PPFIA2: variants seen among roughly 807,000 people sequenced by gnomAD.
PPFIA2 encodes liprin-alpha-2.
PPFIA2 carries 46 observed loss-of-function variants against 175.5 expected under a neutral mutation model. The observed-to-expected ratio is 0.26, with a 90% CI of 0.21 to 0.34. The LOEUF (loss-of-function observed/expected upper bound fraction) is 0.34. Ranked by LOEUF, PPFIA2 falls within the 10% of genes least tolerant of loss-of-function variation. The pLI is 1.00. For missense variants in PPFIA2, 1,179 were observed against 1,506.1 expected, an observed-to-expected ratio of 0.78 and a Z score of 3.60; for synonymous variants, 568 against 511.4, an observed-to-expected ratio of 1.11 and a Z score of -1.49.
intron 4 of PPFIA2, among the ~76,000 whole-genome samples, chr12:81,670,282 T>C (rs769818020): frequency 4.6e-5 from 7 of 151,932 alleles, no homozygotes; most frequent in Non-Finnish European, 5.9e-5. Context: ...GTAGAACTTA[T>C]GCTGTGAAAT....
intron 4 of PPFIA2, among the ~76,000 whole-genome samples, chr12:81,596,924 GTAAT>G (rs2059308965): frequency 6.6e-6 from 1 of 151,982 alleles, no homozygotes; most frequent in Non-Finnish European, 1.5e-5. Context: ...GAGAGAAAGA[GTAAT>G]TATATCTACT....
chr12:81,581,339 A>G (rs930425118), intron 4 of PPFIA2, among the ~76,000 whole-genome samples: 1 of 151,702 alleles, frequency 6.6e-6, no homozygotes, highest in African/African-American at 2.4e-5. Context: ...CTCTGCCTTG[A>G]GTAGAGGGCT....
chr12:81,511,685 C>T (rs2061817168), intron 4 of PPFIA2, among the ~76,000 whole-genome samples: 1 of 151,984 alleles, frequency 6.6e-6, no homozygotes, highest in South Asian at 2.1e-4. Context: ...GGAACATAAT[C>T]AATGCTCGGT....
At chr12:81,536,837 G>A (rs1439085898) in intron 4 of PPFIA2, among the ~76,000 whole-genome samples, 2 of 148,014 alleles carry the variant, frequency 1.4e-5, no homozygotes, top group Admixed American at 6.8e-5. Context: ...AAGGAGAAGA[G>A]GAAATGAAGA....
intron 28 of PPFIA2, among the ~76,000 whole-genome samples, chr12:81,270,385 T>G (rs1385223128): frequency 6.6e-6 from 1 of 152,196 alleles, no homozygotes; most frequent in African/African-American, 2.4e-5. Context: ...AGCCCTAACT[T>G]CCAGTACCTA....
At position 81,642,807 on chromosome 12, in the gene PPFIA2, G is replaced by T. The variant is rs56875090; in HGVS notation, c.303+33984C>A. On this transcript the variant is annotated intron_variant, in intron 4 of 32. Coordinates refer to ENST00000549396, the MANE Select transcript of PPFIA2 (RefSeq NM_003625.5). ...TATACATACATGTATATGTATGTAT[G>T]TATTACATACATGTATATGTATGTA... Among the ~76,000 whole-genome samples, 52 of 21,732 alleles carry T rather than the reference G, an allele frequency of 2.4e-3. 21 individuals are homozygous for T. Among genetic ancestry groups the T allele is most frequent in the South Asian group, 8.3e-3 (4 of 482 alleles). The allele number at this position is 21,732 out of a possible 152,430, so 14.3% of individuals were successfully genotyped here.
At chr12:81,757,719 T>C (rs953254570) in intron 2 of PPFIA2, among the ~76,000 whole-genome samples, 4 of 152,216 alleles carry the variant, frequency 2.6e-5, no homozygotes, top group African/African-American at 9.6e-5. Flanking sequence ...ATGTGTTCCT[T>C]AACAATATAT....
intron 22 of PPFIA2, among the ~76,000 whole-genome samples, chr12:81,303,746 GCAAA>G (rs952073491): frequency 6.6e-6 from 1 of 152,132 alleles, no homozygotes; most frequent in African/African-American, 2.4e-5. Flanking sequence ...GAAGACAGGA[GCAAA>G]CAAAGGGTGT....
intron 7 of PPFIA2, 22 bp from the exon 8 acceptor site, chr12:81,405,925 C>A: frequency 1.5e-6 from 2 of 1,369,768 alleles, no homozygotes; most frequent in Non-Finnish European, 2.0e-6. Context: ...AAGCACTATG[C>A]CTTTAAAGTC....
chr12:81,567,881 C>T (rs756787070), intron 4 of PPFIA2, among the ~76,000 whole-genome samples: 5 of 152,152 alleles, frequency 3.3e-5, no homozygotes, highest in Admixed American at 6.5e-5. Flanking sequence ...TAAACCTTCA[C>T]ATTTATAGAC....
intron 4 of PPFIA2, among the ~76,000 whole-genome samples, chr12:81,590,952 C>G (rs2058602846): frequency 6.6e-6 from 1 of 152,214 alleles, no homozygotes; most frequent in East Asian, 1.9e-4. Context: ...AACTTTGGAA[C>G]TGGATAACTG....
rs566382248 is a variant in PPFIA2, at chr12:81,664,893, T to C, written c.303+11898A>G. ...TGAGTTAATGTCCTTTGTAGGGACA[T>C]GGATGAAGCTGGAAACCATCATTCT... is the stretch of plus-strand genomic sequence containing the variant. On this transcript the variant is annotated intron_variant, in intron 4 of 32. Transcript: ENST00000549396. 6.6e-5 allele frequency among the ~76,000 whole-genome samples: 10 copies of C among 152,108 alleles called. No homozygotes were observed. The South Asian group carries it at 8.3e-4, about 13-fold the overall frequency.
chr12:81,366,396 C>T (rs12818814), intron 14 of PPFIA2, among the ~76,000 whole-genome samples: 16,909 of 151,534 alleles, frequency 0.11, 1,218 homozygotes, highest in East Asian at 0.3. Flanking sequence ...TTACCCATCC[C>T]CTCACCCCAC....
At chr12:81,677,712 A>G (rs1026591162) in intron 3 of PPFIA2, among the ~76,000 whole-genome samples, 4 of 151,964 alleles carry the variant, frequency 2.6e-5, no homozygotes, top group South Asian at 2.1e-4. Flanking sequence ...CATAGAGTAT[A>G]AAAATATAAA....
At chr12:81,584,393 A>G (rs1179861765) in intron 4 of PPFIA2, among the ~76,000 whole-genome samples, 1 of 151,812 alleles carries the variant, frequency 6.6e-6, no homozygotes, top group Non-Finnish European at 1.5e-5. Flanking sequence ...ACATCAACCA[A>G]CTACACCTAT....
At chr12:81,465,482 A>G (rs2055438294) in intron 4 of PPFIA2, among the ~76,000 whole-genome samples, 1 of 152,156 alleles carries the variant, frequency 6.6e-6, no homozygotes, top group South Asian at 2.1e-4. Context: ...CAATTAGACA[A>G]AATTAACTGC....
chr12:81,496,242 T>C lies in PPFIA2; in HGVS notation c.304-38376A>G, dbSNP rs141849364. Among the ~76,000 whole-genome samples, 6 of 152,274 alleles carry C rather than the reference T, an allele frequency of 3.9e-5. No individual in the cohort carries two copies. The East Asian group carries it at 1.2e-3, about 29-fold the overall frequency. Reference sequence around the variant, plus strand: ...ACTGGATTCTTCAATAGGCAAATCATTTTTAGGAAAGGAGCTCTTAGAAGT... The same window carrying C: ...ACTGGATTCTTCAATAGGCAAATCACTTTTAGGAAAGGAGCTCTTAGAAGT... On this transcript the variant is annotated intron_variant, in intron 4 of 32. Coordinates refer to ENST00000549396, the MANE Select transcript of PPFIA2 (RefSeq NM_003625.5).
intron 28 of PPFIA2, among the ~76,000 whole-genome samples, chr12:81,272,586 CA>C (rs774566630): frequency 1.7e-4 from 26 of 152,254 alleles, no homozygotes; most frequent in Non-Finnish European, 3.2e-4. Context: ...ATATTCCTTA[CA>C]TATTTTTTAA....
chr12:81,355,744 G>A lies in PPFIA2; in HGVS notation c.1773+2338C>T, dbSNP rs561962493. On this transcript the variant is annotated intron_variant, in intron 16 of 32. Coordinates refer to ENST00000549396, the MANE Select transcript of PPFIA2 (RefSeq NM_003625.5). The stretch of plus-strand genomic sequence containing the variant: ...TGAACAACCCTCTGCTAGCTTCAAA[G>A]TTTTCTTCTGCAGCTTCCTCACCTC... Among the ~76,000 whole-genome samples the A allele has an allele frequency of 2.6e-5, 4 of 152,272 alleles. No individual in the cohort carries two copies. The South Asian group carries it at 8.3e-4, about 32-fold the overall frequency.
Sources: allele counts gnomAD v4.1 joint callset (sites outside exome capture counted in the v4.1 genomes callset), GRCh38; gene constraint gnomAD v4.1.1; transcripts MANE v1.5; gene names NCBI Gene and HGNC (gene_info 2026-07-23, HGNC 2026-07-21).